The following SKAP1 variants were observed in gnomAD, a reference collection of about 807,000 sequenced individuals.
SKAP1 encodes src kinase associated phosphoprotein 1.
A neutral mutation model predicts 58.5 loss-of-function variants in SKAP1; 44 were observed. The ratio of observed to expected loss-of-function variants is 0.75; its 90% CI spans 0.59 to 0.97. The LOEUF (loss-of-function observed/expected upper bound fraction) is 0.97, where lower values mean the gene tolerates loss of function less well. Ranked by LOEUF, SKAP1 falls within the 50% of genes least tolerant of loss-of-function variation. SKAP1 has a pLI of 0.00. For synonymous variants in SKAP1, 127 were observed against 149.7 expected, an observed-to-expected ratio of 0.85 and a Z score of 1.11; for missense variants, 390 against 435.2, an observed-to-expected ratio of 0.90 and a Z score of 0.92.
intron 2 of SKAP1, among the ~76,000 whole-genome samples, chr17:48,375,947 T>A (rs1310555125): frequency 6.6e-6 from 1 of 152,154 alleles, no homozygotes; most frequent in Non-Finnish European, 1.5e-5. Flanking sequence ...ATAACAGACT[T>A]AGAGACTGGC....
intron 1 of SKAP1, among the ~76,000 whole-genome samples, chr17:48,399,688 G>C (rs914825023): frequency 6.6e-6 from 1 of 151,586 alleles, no homozygotes; most frequent in Non-Finnish European, 1.5e-5. Context: ...GATCACTTGA[G>C]CCTGGAAGGT....
At chr17:48,342,741 T>G (rs1476723875) in intron 4 of SKAP1, among the ~76,000 whole-genome samples, 2 of 152,204 alleles carry the variant, frequency 1.3e-5, no homozygotes. Flanking sequence ...AAGAGGAATA[T>G]CTGGGAGGCC....
chr17:48,289,937 C>T (rs185087102), intron 4 of SKAP1, among the ~76,000 whole-genome samples: 183 of 152,242 alleles, frequency 1.2e-3, no homozygotes, highest in Middle Eastern at 6.8e-3. Flanking sequence ...TAATAAACTA[C>T]ATCTGCTGAA....
At chr17:48,182,317 T>C in intron 8 of SKAP1, 77 bp downstream of exon 8, 1 of 1,046,136 alleles carries the variant, frequency 9.6e-7, no homozygotes, top group South Asian at 1.4e-5. Flanking sequence ...CATACTGAAG[T>C]CTGTAGATTA....
intron 4 of SKAP1, among the ~76,000 whole-genome samples, chr17:48,342,734 A>G (rs2066669986): frequency 6.6e-6 from 1 of 152,214 alleles, no homozygotes; most frequent in African/African-American, 2.4e-5. Flanking sequence ...AATGTTAAAG[A>G]GGAATATCTG....
intron 4 of SKAP1, among the ~76,000 whole-genome samples, chr17:48,276,423 T>C (rs893585685): frequency 2.0e-5 from 3 of 152,236 alleles, no homozygotes; most frequent in African/African-American, 7.2e-5. Flanking sequence ...TTAATGATTA[T>C]GGTTAGTTGT....
chr17:48,389,284 G>C (rs2067316144), intron 2 of SKAP1, among the ~76,000 whole-genome samples: 1 of 152,092 alleles, frequency 6.6e-6, no homozygotes, highest in Non-Finnish European at 1.5e-5. Flanking sequence ...CCTCTTTTAT[G>C]AGCTGTTTGT....
chr17:48,198,727 G>A (rs911311077), intron 4 of SKAP1, among the ~76,000 whole-genome samples: 3 of 151,964 alleles, frequency 2.0e-5, no homozygotes, highest in Admixed American at 6.6e-5. Flanking sequence ...TTAAGCATAT[G>A]TGTCTTTTGA....
At chr17:48,263,652 T>C (rs773786906) in intron 4 of SKAP1, among the ~76,000 whole-genome samples, 9 of 152,010 alleles carry the variant, frequency 5.9e-5, no homozygotes, top group Non-Finnish European at 1.2e-4. Context: ...GTGCACACAG[T>C]TGCTATGGAG....
intron 3 of SKAP1, among the ~76,000 whole-genome samples, chr17:48,347,775 A>G (rs972494203): frequency 5.9e-5 from 9 of 152,216 alleles, no homozygotes; most frequent in African/African-American, 2.2e-4. Context: ...GAGGATTAAA[A>G]TGCTCAAATT....
chr17:48,187,732 C>T, intron 6 of SKAP1, 111 bp downstream of exon 6: 1 of 676,542 alleles, frequency 1.5e-6, no homozygotes, highest in Non-Finnish European at 2.5e-6. Context: ...TAAGCATGTC[C>T]CTTTATGGGT....
chr17:48,255,052 C>T (rs1339812053), intron 4 of SKAP1, among the ~76,000 whole-genome samples: 1 of 152,074 alleles, frequency 6.6e-6, no homozygotes, highest in East Asian at 1.9e-4. Flanking sequence ...TGGGCTAGTA[C>T]TCCTCCTTCA....
In SKAP1 at chr17:48,162,555, A is replaced by T; in HGVS notation, c.892T>A (p.Tyr298Asn). 3.7e-6 allele frequency: 6 copies of T among 1,612,866 alleles called. No homozygotes were observed. Among genetic ancestry groups the T allele is most frequent in the Non-Finnish European group, 5.1e-6 (6 of 1,179,096 alleles). The part of the protein sequence containing the change: ...TRRKGVDYAS[Y>N]YQGLWDCHGD... ...TGGCAATCCCATAGGCCCTGGTAGTAACTGGCATAGTCTACTGATCAAAGA... is the reference window on the plus strand; with the variant it reads ...TGGCAATCCCATAGGCCCTGGTAGTTACTGGCATAGTCTACTGATCAAAGA... Residue 298 changes from tyrosine to asparagine, a missense_variant, in exon 11 of 13, where the codon TAC (tyrosine) becomes AAC (asparagine). By Grantham distance (143) the Tyr-to-Asn change is moderately radical. Transcript: ENST00000336915.
intron 4 of SKAP1, among the ~76,000 whole-genome samples, chr17:48,209,574 G>C (rs554078003): frequency 6.6e-6 from 1 of 152,256 alleles, no homozygotes; most frequent in South Asian, 2.1e-4. Flanking sequence ...TCTAAGGTTG[G>C]ATTCCATGTA....
chr17:48,214,309 A>G (rs2064910536), intron 4 of SKAP1, among the ~76,000 whole-genome samples: 1 of 152,232 alleles, frequency 6.6e-6, no homozygotes, highest in East Asian at 1.9e-4. Context: ...CTTCCTTTAT[A>G]CTTTCTGATT....
chr17:48,347,128 A>T (rs1308029286), intron 3 of SKAP1, among the ~76,000 whole-genome samples: 1 of 152,204 alleles, frequency 6.6e-6, no homozygotes, highest in East Asian at 1.9e-4. Flanking sequence ...CCGGAAGAAA[A>T]GGCTCTGTAT....
At chr17:48,217,026 G>A (rs1040609702) in intron 4 of SKAP1, among the ~76,000 whole-genome samples, 1 of 152,124 alleles carries the variant, frequency 6.6e-6, no homozygotes, top group African/African-American at 2.4e-5. Flanking sequence ...ATTTCCTAAA[G>A]TACATCTCAG....
At chr17:48,290,990 CTGG>C (rs1233548567) in intron 4 of SKAP1, among the ~76,000 whole-genome samples, 4 of 152,062 alleles carry the variant, frequency 2.6e-5, no homozygotes, top group African/African-American at 9.7e-5. Context: ...AAAAAATTAG[CTGG>C]CTGTGGTGGC....
chr17:48,417,885 A>C (rs1471120570), intron 1 of SKAP1, among the ~76,000 whole-genome samples: 1 of 152,238 alleles, frequency 6.6e-6, no homozygotes, highest in Non-Finnish European at 1.5e-5. Flanking sequence ...TTGCTAAATA[A>C]ATTGTTAAAT....
Sources: gnomAD v4.1 joint callset for allele counts (sites outside exome capture counted in the v4.1 genomes callset) on GRCh38, gnomAD v4.1.1 for gene constraint, MANE v1.5 for transcripts, NCBI Gene and HGNC (gene_info 2026-07-23, HGNC 2026-07-21) for gene names.